The following LRP1B variants were observed in gnomAD, a reference collection of about 807,000 sequenced individuals.
LRP1B encodes low-density lipoprotein receptor-related protein 1B.
Under a neutral mutation model 556.6 loss-of-function variants are expected in LRP1B, and 217 were observed. The observed-to-expected ratio is 0.39, with a 90% CI of 0.35 to 0.44. The LOEUF is 0.44. Among genes scored for constraint, LRP1B ranks in the 20% least tolerant of loss-of-function variants. LRP1B has a pLI of 1.00. For synonymous variants in LRP1B, 2,047 were observed against 1,865.8 expected (o/e 1.10, Z -2.50); for missense variants, 5,053 against 5,620.8 (o/e 0.90, Z 3.23).
intron 25 of LRP1B, among the ~76,000 whole-genome samples, chr2:140,880,244 G>A (rs548830494): frequency 4.6e-5 from 7 of 152,218 alleles, no homozygotes; most frequent in Admixed American, 6.5e-5. Context: ...ATGCAGTAGC[G>A]TAAAAATAAA....
chr2:140,875,164 C>T (rs139006382), intron 25 of LRP1B, among the ~76,000 whole-genome samples: 2 of 152,188 alleles, frequency 1.3e-5, no homozygotes, highest in African/African-American at 2.4e-5. Context: ...AACTATTCAA[C>T]TCCTCAAAGC....
chr2:140,876,873 G>A (rs751752982), intron 25 of LRP1B, among the ~76,000 whole-genome samples: 29 of 152,054 alleles, frequency 1.9e-4, no homozygotes, highest in African/African-American at 5.3e-4. Flanking sequence ...TCAGTCCTAC[G>A]AGGATTTGTC....
intron 1 of LRP1B, among the ~76,000 whole-genome samples, chr2:142,066,966 T>C (rs1417719504): frequency 1.3e-5 from 2 of 151,464 alleles, no homozygotes; most frequent in African/African-American, 4.8e-5. Context: ...TTCTGGAAGC[T>C]CTAGAGGACA....
At position 141,020,055 on chromosome 2, in the gene LRP1B, G is replaced by T. The variant is rs755741370; in HGVS notation, c.1837C>A (p.Leu613Ile). 1 of 1,610,864 alleles carries T rather than the reference G, an allele frequency of 6.2e-7. No individual in the cohort carries two copies. Among genetic ancestry groups the T allele is most frequent in the South Asian group, 1.1e-5 (1 of 90,802 alleles). Residue 613 changes from leucine (L) to isoleucine (I), a missense_variant, in exon 12 of 91, where the codon CTT becomes ATT. Around this residue, in one of 5 missense-constraint regions of LRP1B, gnomAD observed 3,619 missense variants for 3,931.9 expected, o/e 0.92. Coordinates refer to ENST00000389484, the MANE Select transcript of LRP1B (RefSeq NM_018557.3). ...GIAVDWIGNN[L>I]YWTNDGHRKT... ...CTATGGCCATCATTGGTCCAGTAAA[G>T]ATTATTTCCAATCCAGTCCACAGCA...
intron 41 of LRP1B, among the ~76,000 whole-genome samples, chr2:140,672,268 CA>C (rs1487420824): frequency 1.3e-5 from 2 of 151,902 alleles, no homozygotes; most frequent in African/African-American, 2.4e-5. Flanking sequence ...CGGCGGGTCA[CA>C]AGGTCAGGAG....
chr2:140,743,739 C>A (rs1169922406), intron 35 of LRP1B, among the ~76,000 whole-genome samples: 1 of 151,854 alleles, frequency 6.6e-6, no homozygotes, highest in Non-Finnish European at 1.5e-5. Context: ...GCGGGTGGAT[C>A]ACAAAGTCAG....
intron 41 of LRP1B, among the ~76,000 whole-genome samples, chr2:140,656,384 G>GA (rs955264658): frequency 1.3e-5 from 2 of 152,128 alleles, no homozygotes; most frequent in African/African-American, 4.8e-5. Flanking sequence ...AAATCATTGA[G>GA]AAAATCACAA....
At chr2:140,643,413 T>C (rs1331860192) in intron 41 of LRP1B, among the ~76,000 whole-genome samples, 2 of 152,124 alleles carry the variant, frequency 1.3e-5, no homozygotes, top group Admixed American at 1.3e-4. Context: ...TCGAAAAAAA[T>C]CTTGTTTTGA....
intron 20 of LRP1B, among the ~76,000 whole-genome samples, chr2:140,947,265 T>C (rs1695574155): frequency 6.6e-6 from 1 of 152,228 alleles, no homozygotes; most frequent in Non-Finnish European, 1.5e-5. Flanking sequence ...GAAGATTATA[T>C]ATGGAATGTT....
At chr2:141,365,829 C>G (rs140076608) in intron 3 of LRP1B, among the ~76,000 whole-genome samples, 3 of 151,676 alleles carry the variant, frequency 2.0e-5, no homozygotes, top group Middle Eastern at 3.2e-3. Flanking sequence ...CCCGCCACTA[C>G]GCCCAGCTAA....
At chr2:141,966,262 T>C (rs1438825604) in intron 1 of LRP1B, among the ~76,000 whole-genome samples, 4 of 151,568 alleles carry the variant, frequency 2.6e-5, no homozygotes, top group Non-Finnish European at 5.9e-5. Context: ...TTCCCTCTAC[T>C]AGAAGGAAAC....
intron 2 of LRP1B, among the ~76,000 whole-genome samples, chr2:141,544,384 C>CCTT (rs1559131570): frequency 7.6e-4 from 31 of 40,836 alleles, no homozygotes; most frequent in South Asian, 2.6e-3. Context: ...TTCTTCTTCT[C>CCTT]CTCCTCCTCC....
chr2:140,737,767 A>G (rs191546204), intron 35 of LRP1B, among the ~76,000 whole-genome samples: 2 of 152,296 alleles, frequency 1.3e-5, no homozygotes, highest in African/African-American at 4.8e-5. Context: ...GGTTCCTATT[A>G]CATCTCTGTT....
chr2:141,684,579 T>G (rs566486449), intron 2 of LRP1B, among the ~76,000 whole-genome samples: 1 of 151,956 alleles, frequency 6.6e-6, no homozygotes, highest in South Asian at 2.1e-4. Context: ...ATTCTACACA[T>G]GTATCCCAGA....
At chr2:141,842,113 T>G (rs1476872810) in intron 1 of LRP1B, among the ~76,000 whole-genome samples, 2 of 152,152 alleles carry the variant, frequency 1.3e-5, no homozygotes, top group African/African-American at 4.8e-5. Context: ...ACTGTCATTT[T>G]TTGGTGGAAG....
At chr2:141,200,615 G>A (rs1248369378) in intron 6 of LRP1B, among the ~76,000 whole-genome samples, 1 of 151,966 alleles carries the variant, frequency 6.6e-6, no homozygotes, top group Non-Finnish European at 1.5e-5. Context: ...CCCCCTATAT[G>A]TACACACACA....
chr2:140,585,016 T>TA (rs1681928928), intron 43 of LRP1B, among the ~76,000 whole-genome samples: 1 of 152,218 alleles, frequency 6.6e-6, no homozygotes, highest in African/African-American at 2.4e-5. Flanking sequence ...ACTTTGGGTA[T>TA]ATTGCTTTTG....
chr2:141,573,899 G>A (rs2105267450), intron 2 of LRP1B, among the ~76,000 whole-genome samples: 1 of 152,246 alleles, frequency 6.6e-6, no homozygotes, highest in South Asian at 2.1e-4. Flanking sequence ...TAAACTGGAA[G>A]AAATTGAATC....
intron 41 of LRP1B, among the ~76,000 whole-genome samples, chr2:140,654,622 G>C (rs1230011997): frequency 6.6e-6 from 1 of 152,066 alleles, no homozygotes; most frequent in African/African-American, 2.4e-5. Flanking sequence ...GAACAGATGG[G>C]TTTTATTACT....
Sources: allele counts gnomAD v4.1 joint callset (sites outside exome capture counted in the v4.1 genomes callset), GRCh38; gene constraint gnomAD v4.1.1; regional missense constraint gnomAD v4.1.1; transcripts MANE v1.5; gene names NCBI Gene and HGNC (gene_info 2026-07-23, HGNC 2026-07-21).